ARIH1: variants seen among roughly 807,000 people sequenced by gnomAD.
The protein encoded by ARIH1 is E3 ubiquitin-protein ligase ARIH1.
A neutral mutation model predicts 85.0 loss-of-function variants in ARIH1; 8 were observed. The observed-to-expected ratio is 0.09, with a 90% CI of 0.06 to 0.17. The LOEUF is 0.17. Ranked by LOEUF, ARIH1 falls within the 10% of genes least tolerant of loss-of-function variation. ARIH1 has a pLI of 1.00. For synonymous variants in ARIH1, 238 were observed against 253.6 expected (o/e 0.94, Z 0.59); for missense variants, 311 against 718.1 (o/e 0.43, Z 6.48).
At chr15:72,536,576 T>G (rs1345691465) in intron 2 of ARIH1, among the ~76,000 whole-genome samples, 5 of 152,136 alleles carry the variant, frequency 3.3e-5, no homozygotes, top group Non-Finnish European at 7.4e-5. Context: ...TTTTGGGTAT[T>G]TAGGTTTTTC....
intron 1 of ARIH1, among the ~76,000 whole-genome samples, chr15:72,506,846 G>T (rs28664111): frequency 1.8e-3 from 271 of 150,262 alleles, no homozygotes; most frequent in African/African-American, 6.3e-3. Flanking sequence ...GTTTTTTTTT[G>T]TTTTTTTTGT....
intron 1 of ARIH1, among the ~76,000 whole-genome samples, chr15:72,486,694 C>CT (rs34770375): frequency 0.67 from 61,833 of 92,882 alleles, 25,299 homozygotes; most frequent in South Asian, 0.86. Context: ...TTAAAAATGA[C>CT]TTTTTTTTTT....
At chr15:72,520,239 A>G in intron 2 of ARIH1, among the ~76,000 whole-genome samples, 1 of 152,198 alleles carries the variant, frequency 6.6e-6, no homozygotes, top group Non-Finnish European at 1.5e-5. Flanking sequence ...GGATACCTAA[A>G]AGATTTATAA....
intron 1 of ARIH1, among the ~76,000 whole-genome samples, chr15:72,499,382 G>A: frequency 6.6e-6 from 1 of 150,638 alleles, no homozygotes; most frequent in East Asian, 1.9e-4. Flanking sequence ...ATCTTACAAT[G>A]ATTACATTTA....
chr15:72,542,614 A>G (rs2064112418), intron 2 of ARIH1, among the ~76,000 whole-genome samples: 1 of 152,218 alleles, frequency 6.6e-6, no homozygotes, highest in Non-Finnish European at 1.5e-5. Context: ...TAGACATTTA[A>G]AGACAAAGGT....
At chr15:72,557,653 A>G (rs1390715647) in intron 5 of ARIH1, among the ~76,000 whole-genome samples, 1 of 151,922 alleles carries the variant, frequency 6.6e-6, no homozygotes, top group Non-Finnish European at 1.5e-5. Flanking sequence ...TATTTCCTGG[A>G]TTTTCTTTTA....
chr15:72,478,644 C>T (rs2063803604), intron 1 of ARIH1, among the ~76,000 whole-genome samples: 1 of 152,150 alleles, frequency 6.6e-6, no homozygotes, highest in Non-Finnish European at 1.5e-5. Context: ...GGTCCTTGAA[C>T]TCCACTTCCA....
In ARIH1 at chr15:72,546,462, G is replaced by A. The variant is rs184354523; in HGVS notation, c.588+1498G>A. On this transcript the variant is annotated intron_variant, in intron 3 of 13. Coordinates refer to ENST00000379887, the MANE Select transcript of ARIH1 (RefSeq NM_005744.5). ...GTGAAATTTTTGGCTTTAGCGGGAG[G>A]TAAGCCATTTAATGTCACTGGGTTT... Among the ~76,000 whole-genome samples, 212 of 152,186 alleles carry A rather than the reference G, an allele frequency of 1.4e-3. 1 individual carries two copies. Among genetic ancestry groups the A allele is most frequent in the Non-Finnish European group, 2.2e-3 (152 of 67,986 alleles).
In ARIH1 at chr15:72,563,506, C is replaced by G; in HGVS notation, c.911+6C>G. 6.2e-7 allele frequency: 1 copy of G among 1,607,204 alleles called. No homozygotes were observed. Among genetic ancestry groups the G allele is most frequent in the Non-Finnish European group, 8.5e-7 (1 of 1,173,746 alleles). ...AAATGTGGGCGCCAATTTTGGTAAG[C>G]AAGTGATTTCCTAAATTGAAATAGT... On this transcript the variant is annotated splice_donor_region_variant and intron_variant, in intron 7 of 13. Transcript: ENST00000379887.
intron 1 of ARIH1, among the ~76,000 whole-genome samples, chr15:72,508,477 T>C (rs945032428): frequency 6.6e-6 from 1 of 152,206 alleles, no homozygotes; most frequent in Non-Finnish European, 1.5e-5. Context: ...TCTCCATGTA[T>C]TCAAATCCTA....
At position 72,588,085 on chromosome 15, in the gene ARIH1, C is replaced by T. The variant is rs2064325489; in HGVS notation, c.*4793C>T. The T allele has an allele frequency of 6.6e-6, 1 of 152,132 alleles. No homozygotes were observed. 9.4% of individuals were successfully genotyped at this position (152,132 alleles called of 1,614,324 possible). On this transcript the variant is annotated 3_prime_UTR_variant, in exon 14 of 14. Transcript: ENST00000379887. ...TATCAATACCACAACAACCTTATTACCATAGTAATTCAGGGGTCTCAAGTA... is the reference window on the plus strand; with the variant it reads ...TATCAATACCACAACAACCTTATTATCATAGTAATTCAGGGGTCTCAAGTA...
chr15:72,489,247 C>CAA (rs3028452), intron 1 of ARIH1, among the ~76,000 whole-genome samples: 3,943 of 82,670 alleles, frequency 0.048, 324 homozygotes, highest in East Asian at 0.068. Flanking sequence ...GACCATGTCT[C>CAA]AAAAAAAAAA....
chr15:72,554,868 C>T (rs2064168279), intron 3 of ARIH1, among the ~76,000 whole-genome samples: 1 of 152,144 alleles, frequency 6.6e-6, no homozygotes, highest in South Asian at 2.1e-4. Flanking sequence ...GTCCTTCCAC[C>T]TCAGCCTCCC....
At position 72,544,876 on chromosome 15, in the gene ARIH1, G is replaced by C. The variant is rs769334669; in HGVS notation, c.500G>C (p.Ser167Thr). ...GCTGAGTGTCATGTAATTAATCCAA[G>C]TAAAAAGTCTCGAACACGCCAGATG... ...LFAECHVINP[S>T]KKSRTRQMNT... Residue 167 changes from serine (S) to threonine (T), a missense_variant, in exon 3 of 14, where the codon AGT becomes ACT. Physicochemically the swap from Ser to Thr is moderately conservative, Grantham distance 58 (BLOSUM62 1). This residue lies in a region of ARIH1 where 104 missense variants were observed against 221.4 expected (regional missense o/e 0.47). Coordinates refer to ENST00000379887, the MANE Select transcript of ARIH1 (RefSeq NM_005744.5). The C allele has an allele frequency of 6.2e-7, 1 of 1,613,466 alleles. No homozygotes were observed. The highest frequency in any genetic ancestry group is 1.3e-5 in the African/African-American group (1 of 74,896).
intron 2 of ARIH1, among the ~76,000 whole-genome samples, chr15:72,523,549 A>G (rs1243041449): frequency 1.3e-5 from 2 of 151,954 alleles, no homozygotes; most frequent in African/African-American, 4.8e-5. Flanking sequence ...GGGGGCCTAA[A>G]CTATTTTGTA....
At chr15:72,511,555 T>A (rs762009869) in intron 1 of ARIH1, among the ~76,000 whole-genome samples, 18 of 152,170 alleles carry the variant, frequency 1.2e-4, no homozygotes, top group Non-Finnish European at 2.6e-4. Flanking sequence ...TCCACACACC[T>A]TGGCCTCTCA....
chr15:72,571,041 A>G (rs1426006358), intron 10 of ARIH1, among the ~76,000 whole-genome samples: 1 of 148,692 alleles, frequency 6.7e-6, no homozygotes, highest in South Asian at 2.1e-4. Flanking sequence ...AGGCAGGAGA[A>G]TCACTTGAAC....
intron 1 of ARIH1, among the ~76,000 whole-genome samples, chr15:72,508,533 C>T (rs1051230056): frequency 1.3e-5 from 2 of 152,194 alleles, no homozygotes; most frequent in Non-Finnish European, 2.9e-5. Context: ...TCTGTAACCT[C>T]ATCTGTAAAA....
At chr15:72,580,025 A>AC (rs987182670) in intron 11 of ARIH1, among the ~76,000 whole-genome samples, 1 of 152,158 alleles carries the variant, frequency 6.6e-6, no homozygotes, top group Non-Finnish European at 1.5e-5. Flanking sequence ...CTCAAAACTT[A>AC]CTCATCCAGT....
Sources: gnomAD v4.1 joint callset for allele counts (sites outside exome capture counted in the v4.1 genomes callset) on GRCh38, gnomAD v4.1.1 for gene constraint, gnomAD v4.1.1 regional missense constraint, MANE v1.5 for transcripts, NCBI Gene and HGNC (gene_info 2026-07-23, HGNC 2026-07-21) for gene names.